The following FBXL12 variants were observed in gnomAD, a reference collection of about 807,000 sequenced individuals.
The protein encoded by FBXL12 is F-box/LRR-repeat protein 12.
Under a neutral mutation model 24.9 loss-of-function variants are expected in FBXL12, and 22 were observed. The ratio of observed to expected loss-of-function variants is 0.88; its 90% CI spans 0.63 to 1.26. The LOEUF is 1.26. Ranked by LOEUF, FBXL12 falls within the 50% of genes most tolerant of loss-of-function variation. The pLI is 0.00. For synonymous variants in FBXL12, 193 were observed against 193.8 expected (o/e 1.00, Z 0.03); for missense variants, 384 against 434.1 (o/e 0.88, Z 1.03).
Position 9,811,671 on chromosome 19 carries a change from G to A in FBXL12, c.206C>T (p.Ser69Phe). 2.6e-6 allele frequency: 4 copies of A among 1,518,070 alleles called. No individual in the cohort carries two copies. The highest frequency in any genetic ancestry group is 2.6e-5 in the South Asian group (2 of 76,036). 94.0% of individuals were successfully genotyped at this position (1,518,070 alleles called of 1,614,324 possible). The change falls in exon 3 of 3, where the codon TCC (serine) becomes TTC (phenylalanine). Residue 69 changes from serine to phenylalanine, a missense_variant. Physicochemically the swap from Ser to Phe is radical, Grantham distance 155 (BLOSUM62 -2). Transcript: ENST00000247977. The surrounding 1 kb of genome is among the most constrained non-coding windows in gnomAD (Gnocchi z 6.0). ...MWHLLRRYMA[S>F]RLHSLRMGGY... The stretch of plus-strand genomic sequence containing the variant: ...ACCCATCCGCAGGGAATGGAGCCGG[G>A]ATGCCATGTACCTTCGAAGGAGGTG...
At chr19:9,817,347 A>T (rs1429485422) in intron 2 of FBXL12, among the ~76,000 whole-genome samples, 1 of 152,200 alleles carries the variant, frequency 6.6e-6, no homozygotes, top group Admixed American at 6.5e-5. Context: ...TACTTTTGAC[A>T]GAGGAATCAA....
Position 9,818,799 on chromosome 19 carries a change from G to T in FBXL12, c.15C>A (p.Val5=), listed in dbSNP as rs760650771. Residue 5 remains valine, a synonymous_variant, in exon 1 of 3, where the codon GTC becomes GTA. Coordinates refer to ENST00000247977, the MANE Select transcript of FBXL12 (RefSeq NM_017703.3). ...CGAGCAGGACCGAGTCCGGCAGTTC[G>T]ACCAAAGTCGCCATGATCCCGCCGA... MATL[V]ELPDSVLLEI... is the part of the protein sequence containing the mutation. The T allele has an allele frequency of 1.3e-6, 2 of 1,552,870 alleles. No homozygotes were observed. Among genetic ancestry groups the T allele is most frequent in the Non-Finnish European group, 1.7e-6 (2 of 1,146,492 alleles).
chr19:9,816,677 C>T (rs2045892188), intron 2 of FBXL12, among the ~76,000 whole-genome samples: 1 of 152,214 alleles, frequency 6.6e-6, no homozygotes, highest in Non-Finnish European at 1.5e-5. Flanking sequence ...CCCACATTTT[C>T]CTGTCTTCTT....
Position 9,811,357 on chromosome 19 carries a change from G to A in FBXL12, c.520C>T (p.Arg174Cys), listed in dbSNP as rs562812843. The A allele has an allele frequency of 5.6e-5, 90 of 1,611,422 alleles. No individual in the cohort carries two copies. In the South Asian group the frequency reaches 7.2e-4, roughly 13 times the overall value. ...ACCAGCGAGCGCAAGGCCCGGAAGC[G>A]CGTCAGGCCCTGCAGGTGCTCGTCA... is the stretch of plus-strand genomic sequence containing the variant. The part of the protein sequence containing the change: ...FRDEHLQGLT[R>C]FRALRSLVLG... The change falls in exon 3 of 3, where the codon CGC (arginine) becomes TGC (cysteine). Residue 174 changes from arginine (R) to cysteine (C), a missense_variant. Physicochemically the swap from Arg to Cys is radical, Grantham distance 180. Transcript: ENST00000247977. The surrounding 1 kb of genome is among the most constrained non-coding windows in gnomAD (Gnocchi z 6.0).
At position 9,818,758 on chromosome 19, in the gene FBXL12, A is replaced by G; in HGVS notation, c.56T>C (p.Leu19Pro). The change falls in exon 1 of 3, where the codon CTC (leucine) becomes CCC (proline). Residue 19 changes from leucine (L) to proline (P), a missense_variant. Physicochemically the swap from Leu to Pro is moderately conservative, Grantham distance 98. Coordinates refer to ENST00000247977, the MANE Select transcript of FBXL12 (RefSeq NM_017703.3). Reference sequence around the variant, plus strand: ...GATGCGGATCCGGTCCCGTACCGGGAGGTAAGAGAAGATCTCGAGCAGGAC... The same window carrying G: ...GATGCGGATCCGGTCCCGTACCGGGGGGTAAGAGAAGATCTCGAGCAGGAC... ...DSVLLEIFSY[L>P]PVRDRIRISR... The G allele has an allele frequency of 1.3e-6, 2 of 1,552,462 alleles. No homozygotes were observed. The highest frequency in any genetic ancestry group is 1.7e-6 in the Non-Finnish European group (2 of 1,146,408).
Position 9,810,300 on chromosome 19 carries a change from T to C in FBXL12, c.*596A>G, listed in dbSNP as rs2045709925. ...AAAAAAAAATGATTTTTTTCTTTAA[T>C]AGTAAAATAATATACGTCTTGGAAA... On this transcript the variant is annotated 3_prime_UTR_variant, in exon 3 of 3. Transcript: ENST00000247977. The C allele has an allele frequency of 6.6e-6, 1 of 152,164 alleles. No individual in the cohort carries two copies. Among genetic ancestry groups the C allele is most frequent in the Non-Finnish European group, 1.5e-5 (1 of 68,038 alleles). The allele number at this position is 152,164 out of a possible 1,614,324, so 9.4% of individuals were successfully genotyped here. A position where few individuals can be genotyped will look rare whatever the true frequency, so the allele number is the denominator to read the frequency against.
In FBXL12 at chr19:9,810,284, T is replaced by C. The variant is rs1019960957; in HGVS notation, c.*612A>G. On this transcript the variant is annotated 3_prime_UTR_variant, in exon 3 of 3. Transcript: ENST00000247977. ...CTGAATACTTCTCGGGAAAAAAAAATGATTTTTTTCTTTAATAGTAAAATA... is the reference window on the plus strand; with the variant it reads ...CTGAATACTTCTCGGGAAAAAAAAACGATTTTTTTCTTTAATAGTAAAATA... The C allele has an allele frequency of 6.6e-6, 1 of 151,908 alleles. No individual in the cohort carries two copies. The highest frequency in any genetic ancestry group is 1.9e-4 in the East Asian group (1 of 5,168). The allele number at this position is 151,908 out of a possible 1,614,324, so 9.4% of individuals were successfully genotyped here. A position where few individuals can be genotyped will look rare whatever the true frequency, so the allele number is the denominator to read the frequency against.
At position 9,816,198 on chromosome 19, in the gene FBXL12, G is replaced by C. The variant is rs370278272; in HGVS notation, c.159+2347C>G. Reference sequence around the variant, plus strand: ...CTGAGATGGGAGGGGCTGCCGTGAAGGTCTCTGACATGGCCTGGAGACATT... The same window carrying C: ...CTGAGATGGGAGGGGCTGCCGTGAACGTCTCTGACATGGCCTGGAGACATT... On this transcript the variant is annotated intron_variant, in intron 2 of 2. Transcript: ENST00000247977. Among the ~76,000 whole-genome samples the C allele has an allele frequency of 2.0e-3, 308 of 152,284 alleles. 1 individual carries two copies. The highest frequency in any genetic ancestry group is 2.8e-3 in the Non-Finnish European group (190 of 68,034).
At position 9,810,709 on chromosome 19, in the gene FBXL12, T is replaced by C. The variant is rs2045721723; in HGVS notation, c.*187A>G. The C allele has an allele frequency of 4.1e-6, 2 of 482,838 alleles. No homozygotes were observed. Among genetic ancestry groups the C allele is most frequent in the African/African-American group, 1.9e-5 (1 of 52,734 alleles). The allele number at this position is 482,838 out of a possible 1,614,324, so 29.9% of individuals were successfully genotyped here. ...AACTAGGCTTCCCAGAGGCTGATGA[T>C]ATGACCAAGGCCACACAGCTGGCAA... is the stretch of plus-strand genomic sequence containing the variant. On this transcript the variant is annotated 3_prime_UTR_variant, in exon 3 of 3. Coordinates refer to ENST00000247977, the MANE Select transcript of FBXL12 (RefSeq NM_017703.3).
chr19:9,818,932 C>T lies in FBXL12; in HGVS notation c.-119G>A, dbSNP rs2145386743. 3.2e-6 allele frequency: 3 copies of T among 931,180 alleles called. No homozygotes were observed. The East Asian group carries it at 8.1e-5, about 25-fold the overall frequency. 57.7% of individuals were successfully genotyped at this position (931,180 alleles called of 1,614,324 possible). ...CCCGTAGCCGGTCGAGAAATTTGAC[C>T]TTCCTCTCGCTGGGAAGTGATTCGG... On this transcript the variant is annotated 5_prime_UTR_variant, in exon 1 of 3. Coordinates refer to ENST00000247977, the MANE Select transcript of FBXL12 (RefSeq NM_017703.3).
At chr19:9,817,863 A>T (rs935249764) in intron 2 of FBXL12, among the ~76,000 whole-genome samples, 5 of 152,232 alleles carry the variant, frequency 3.3e-5, no homozygotes, top group Non-Finnish European at 5.9e-5. Context: ...GTGCAAATTC[A>T]CTTTATAATA....
Position 9,811,713 on chromosome 19 carries a change from C to A in FBXL12, c.164G>T (p.Arg55Leu). 6.6e-7 allele frequency: 1 copy of A among 1,508,838 alleles called. No homozygotes were observed. The highest frequency in any genetic ancestry group is 8.9e-7 in the Non-Finnish European group (1 of 1,128,618). 93.5% of individuals were successfully genotyped at this position (1,508,838 alleles called of 1,614,324 possible). Residue 55 changes from arginine (R) to leucine (L), a missense_variant, in exon 3 of 3, where the codon CGA becomes CTA. Arg to Leu is a moderately radical substitution (Grantham distance 102). Transcript: ENST00000247977. The surrounding 1 kb of genome is among the most constrained non-coding windows in gnomAD (Gnocchi z 6.0). ...RHVDLTLYTMRPKVMWHLLRR... is the reference protein window; with the variant it reads ...RHVDLTLYTMLPKVMWHLLRR... ...AAGGAGGTGCCACATGACTTTAGGT[C>A]GCATCTGTAAGAGCCAGAGATTGGG...
In FBXL12 at chr19:9,811,208, G is replaced by A. The variant is rs760302713; in HGVS notation, c.669C>T (p.Ile223=). 1 of 1,613,418 alleles carries A rather than the reference G, an allele frequency of 6.2e-7. No individual in the cohort carries two copies. The highest frequency in any genetic ancestry group is 8.5e-7 in the Non-Finnish European group (1 of 1,179,656). ...TLSADSTLLA[I]SRHLRDVRKI... ...TGCGCACATCTCGGAGGTGGCGGCTGATGGCCAGCAGGGTGCTGTCGGCAG... is the reference window on the plus strand; with the variant it reads ...TGCGCACATCTCGGAGGTGGCGGCTAATGGCCAGCAGGGTGCTGTCGGCAG... Residue 223 remains isoleucine, a synonymous_variant, in exon 3 of 3, where the codon ATC becomes ATT. Coordinates refer to ENST00000247977, the MANE Select transcript of FBXL12 (RefSeq NM_017703.3). The surrounding 1 kb of genome is among the most constrained non-coding windows in gnomAD (Gnocchi z 6.0).
chr19:9,816,788 C>T (rs1395844600), intron 2 of FBXL12, among the ~76,000 whole-genome samples: 1 of 152,164 alleles, frequency 6.6e-6, no homozygotes, highest in Non-Finnish European at 1.5e-5. Flanking sequence ...TTACCGCTAC[C>T]AATTTACAGT....
chr19:9,817,840 C>T (rs1404528475), intron 2 of FBXL12, among the ~76,000 whole-genome samples: 30 of 152,072 alleles, frequency 2.0e-4, no homozygotes, highest in Admixed American at 2.0e-3. Flanking sequence ...TATGAAGTAA[C>T]GTAAAAGGAA....
At chr19:9,818,404 T>C (rs1338663686) in intron 2 of FBXL12, 141 bp downstream of exon 2, 11 of 852,132 alleles carry the variant, frequency 1.3e-5, no homozygotes, top group Non-Finnish European at 2.0e-5. Context: ...TGGTAAGCGA[T>C]GATGCCGAGA....
rs2045942233 is a variant in FBXL12, at chr19:9,818,839, T to C, written c.-26A>G. ...GATCCCGCCGACACGCACTTCCGCT[T>C]CCGGTTAAAGAGACCCGAGGGGTCC... On this transcript the variant is annotated 5_prime_UTR_variant, in exon 1 of 3. Transcript: ENST00000247977. 6.5e-7 allele frequency: 1 copy of C among 1,544,020 alleles called. No individual in the cohort carries two copies. Among genetic ancestry groups the C allele is most frequent in the Admixed American group, 2.0e-5 (1 of 50,760 alleles).
In FBXL12 at chr19:9,818,644, C is replaced by G. The variant is rs370702553; in HGVS notation, c.87-27G>C. The G allele has an allele frequency of 1.8e-4, 282 of 1,550,568 alleles. 1 individual carries two copies. Among genetic ancestry groups the G allele is most frequent in the Admixed American group, 1.2e-4 (6 of 51,076 alleles). On this transcript the variant is annotated intron_variant, in intron 1 of 2. Coordinates refer to ENST00000247977, the MANE Select transcript of FBXL12 (RefSeq NM_017703.3). The stretch of plus-strand genomic sequence containing the variant: ...TGGGGGAGGGGACGCGCGGTTAGAA[C>G]GACCCCAGCCCCGGGCCACATCGCA...
In FBXL12 at chr19:9,811,867, A is replaced by G; in HGVS notation, c.160-150T>C. ...CTAGCCAGTCTCCTCCCCAGGTTCA[A>G]CCTCCCCAGGTTCAACCAGATGGTT... On this transcript the variant is annotated intron_variant, in intron 2 of 2. Transcript: ENST00000247977. This position sits in a 1 kb window ranked among gnomAD's most constrained non-coding sequence, Gnocchi z 6.0. The G allele has an allele frequency of 3.7e-6, 2 of 536,018 alleles. No homozygotes were observed. Among genetic ancestry groups the G allele is most frequent in the East Asian group, 3.1e-5 (1 of 31,958 alleles). The allele number at this position is 536,018 out of a possible 1,614,324, so 33.2% of individuals were successfully genotyped here. A position where few individuals can be genotyped will look rare whatever the true frequency, so the allele number is the denominator to read the frequency against.
Sources: gnomAD v4.1 joint callset for allele counts (sites outside exome capture counted in the v4.1 genomes callset) on GRCh38, gnomAD v4.1.1 for gene constraint, Gnocchi (gnomAD v3.1) non-coding constraint, MANE v1.5 for transcripts, NCBI Gene and HGNC (gene_info 2026-07-23, HGNC 2026-07-21) for gene names.